The following SCLT1 variants were observed in gnomAD, a reference collection of about 807,000 sequenced individuals.
SCLT1 encodes the protein sodium channel and clathrin linker 1.
SCLT1 carries 78 observed loss-of-function variants against 112.8 expected under a neutral mutation model. That is an observed-to-expected ratio of 0.69 (90% CI 0.58 to 0.83). SCLT1 has a LOEUF of 0.83. Ranked by LOEUF, SCLT1 falls within the 40% of genes least tolerant of loss-of-function variation. The pLI is 0.00. For synonymous variants in SCLT1, 257 were observed against 254.7 expected (o/e 1.01, Z -0.09); for missense variants, 747 against 770.4 (o/e 0.97, Z 0.36).
At chr4:129,044,098 C>A in intron 2 of SCLT1, 47 bp from the exon 3 acceptor site, 3 of 955,180 alleles carry the variant, frequency 3.1e-6, no homozygotes, top group Non-Finnish European at 4.9e-6. Context: ...ATCATTCTAG[C>A]CAAAATTGAT....
intron 18 of SCLT1, among the ~76,000 whole-genome samples, chr4:128,897,399 C>T: frequency 1.3e-5 from 2 of 151,590 alleles, no homozygotes; most frequent in Admixed American, 6.6e-5. Flanking sequence ...ATTTTCAACC[C>T]AGAATTTCAT....
chr4:128,928,310 G>A (rs553264564), intron 18 of SCLT1, among the ~76,000 whole-genome samples: 43 of 152,094 alleles, frequency 2.8e-4, no homozygotes, highest in African/African-American at 1.0e-3. Context: ...GAGAGTTCAA[G>A]AAAGGATTTC....
At chr4:129,072,645 G>A (rs537700204) in intron 2 of SCLT1, among the ~76,000 whole-genome samples, 23 of 142,280 alleles carry the variant, frequency 1.6e-4, no homozygotes, top group African/African-American at 4.2e-4. Flanking sequence ...AAAGTCTCCC[G>A]AATTTTTTAT....
At chr4:129,084,505 G>A (rs1266113368) in intron 1 of SCLT1, among the ~76,000 whole-genome samples, 2 of 151,934 alleles carry the variant, frequency 1.3e-5, no homozygotes, top group African/African-American at 4.8e-5. Context: ...ACTATGAAAC[G>A]TTTCTCTGGA....
Position 129,043,803 on chromosome 4 carries a change from G to A in SCLT1, c.161+190C>T, listed in dbSNP as rs73847391. On this transcript the variant is annotated intron_variant, in intron 3 of 20. Transcript: ENST00000281142. The stretch of plus-strand genomic sequence containing the variant: ...TTGCCAAATATCTCCTGGGGAAACA[G>A]GGGTAAAGTTGCTCCTGTCTGAGAA... Among the ~76,000 whole-genome samples the A allele has an allele frequency of 4.5e-3, 683 of 152,260 alleles. 4 individuals carry two copies. Among genetic ancestry groups the A allele is most frequent in the African/African-American group, 0.014 (581 of 41,550 alleles).
At chr4:129,047,644 C>T in intron 2 of SCLT1, among the ~76,000 whole-genome samples, 1 of 152,144 alleles carries the variant, frequency 6.6e-6, no homozygotes, top group East Asian at 1.9e-4. Context: ...TCCTCACCAG[C>T]ATCCATTATT....
At chr4:128,991,234 G>C (rs1474786443) in intron 9 of SCLT1, among the ~76,000 whole-genome samples, 2 of 151,468 alleles carry the variant, frequency 1.3e-5, no homozygotes, top group African/African-American at 4.8e-5. Flanking sequence ...AACAGACACA[G>C]ATGAACTGAA....
chr4:128,976,043 G>A (rs562899622), intron 9 of SCLT1, among the ~76,000 whole-genome samples: 5 of 152,240 alleles, frequency 3.3e-5, no homozygotes, highest in African/African-American at 9.6e-5. Context: ...CACACTTGAA[G>A]TTAATTCAAA....
chr4:128,902,105 A>T (rs1337248839), intron 18 of SCLT1, among the ~76,000 whole-genome samples: 4 of 151,884 alleles, frequency 2.6e-5, no homozygotes, highest in African/African-American at 9.7e-5. Flanking sequence ...ATGTCTCATT[A>T]TGTTGTCCAG....
intron 5 of SCLT1, among the ~76,000 whole-genome samples, chr4:129,033,058 C>T (rs111266539): frequency 0.014 from 2,138 of 152,172 alleles, 51 homozygotes; most frequent in African/African-American, 0.046. Flanking sequence ...GCACTATTTA[C>T]AATAGCAAAG....
intron 13 of SCLT1, among the ~76,000 whole-genome samples, chr4:128,955,871 G>C (rs968405034): frequency 1.3e-5 from 2 of 151,972 alleles, no homozygotes; most frequent in Non-Finnish European, 2.9e-5. Flanking sequence ...GGGCAAAGAC[G>C]CAGCAAAATG....
chr4:129,016,807 T>C (rs1745033357), intron 5 of SCLT1, among the ~76,000 whole-genome samples: 1 of 152,230 alleles, frequency 6.6e-6, no homozygotes, highest in African/African-American at 2.4e-5. Flanking sequence ...CTTTGCCTTA[T>C]AAGTTTTTCA....
intron 5 of SCLT1, among the ~76,000 whole-genome samples, chr4:129,035,917 C>T (rs992006103): frequency 9.2e-5 from 14 of 151,406 alleles, no homozygotes; most frequent in Admixed American, 1.3e-4. Flanking sequence ...GTAGTAAATT[C>T]TCAGATAGTA....
chr4:129,014,979 A>C (rs2391373), intron 5 of SCLT1, among the ~76,000 whole-genome samples: 47 of 151,922 alleles, frequency 3.1e-4, no homozygotes, highest in African/African-American at 1.1e-3. Flanking sequence ...ACTGGTAGGC[A>C]CAGGTCTGTG....
chr4:129,061,773 G>A (rs1749998997), intron 2 of SCLT1, among the ~76,000 whole-genome samples: 2 of 152,102 alleles, frequency 1.3e-5, no homozygotes, highest in South Asian at 2.1e-4. Flanking sequence ...ACTGAGATGA[G>A]GTGGCTGAAA....
chr4:128,900,159 G>C (rs1203818129), intron 18 of SCLT1, among the ~76,000 whole-genome samples: 6 of 152,124 alleles, frequency 3.9e-5, no homozygotes, highest in Admixed American at 2.0e-4. Context: ...TTTCTTCACA[G>C]AATTGGAAAA....
At chr4:128,967,971 G>A (rs913073564) in intron 10 of SCLT1, among the ~76,000 whole-genome samples, 5 of 152,044 alleles carry the variant, frequency 3.3e-5, no homozygotes, top group African/African-American at 1.2e-4. Flanking sequence ...TGAGAACTTA[G>A]CCATTAATCT....
intron 9 of SCLT1, among the ~76,000 whole-genome samples, chr4:128,983,635 G>C (rs1353286815): frequency 3.3e-5 from 5 of 152,124 alleles, no homozygotes; most frequent in Admixed American, 2.6e-4. Flanking sequence ...GGTTTGAGGA[G>C]GATCAGGTGA....
At chr4:129,002,544 T>C (rs969493680) in intron 6 of SCLT1, among the ~76,000 whole-genome samples, 1 of 152,022 alleles carries the variant, frequency 6.6e-6, no homozygotes, top group South Asian at 2.1e-4. Context: ...AAAATTTTCA[T>C]TGACATTAAA....
Sources: allele counts gnomAD v4.1 joint callset (sites outside exome capture counted in the v4.1 genomes callset), GRCh38; gene constraint gnomAD v4.1.1; transcripts MANE v1.5; gene names NCBI Gene and HGNC (gene_info 2026-07-23, HGNC 2026-07-21).